ZNF608: variants seen among roughly 807,000 people sequenced by gnomAD.
ZNF608 encodes renal carcinoma antigen NY-REN-36.
In ZNF608, 12 loss-of-function variants were observed where a neutral mutation model predicts 109.0. The ratio of observed to expected loss-of-function variants is 0.11; its 90% confidence interval spans 0.07 to 0.18. The LOEUF is 0.18. Ranked by LOEUF, ZNF608 falls within the 10% of genes least tolerant of loss-of-function variation. The pLI, the probability that ZNF608 is intolerant of heterozygous loss-of-function variation, is 1.00. For synonymous variants in ZNF608, 732 were observed against 717.4 expected (o/e 1.02, Z -0.33); for missense variants, 1,707 against 1,879.3 (o/e 0.91, Z 1.70).
At chr5:124,728,793 T>C (rs1411685123) in intron 2 of ZNF608, among the ~76,000 whole-genome samples, 1 of 152,246 alleles carries the variant, frequency 6.6e-6, no homozygotes, top group Non-Finnish European at 1.5e-5. Context: ...GCTTGCGTTG[T>C]AGACTCTAGT....
At chr5:124,718,202 T>C (rs533326298) in intron 2 of ZNF608, among the ~76,000 whole-genome samples, 199 of 152,322 alleles carry the variant, frequency 1.3e-3, no homozygotes, top group African/African-American at 4.6e-3. Flanking sequence ...CCATCCCAAC[T>C]TGTACATCTT....
chr5:124,643,616 C>G lies in ZNF608; in HGVS notation c.4191G>C (p.Glu1397Asp), dbSNP rs771689654. 1.2e-5 allele frequency: 20 copies of G among 1,614,188 alleles called. No individual in the cohort carries two copies. In the South Asian group the frequency reaches 2.2e-4, roughly 18 times the overall value. Reference protein sequence around the residue: ...YGKMSGREETEKVNTSPSVNT... With the variant: ...YGKMSGREETDKVNTSPSVNT... ...TGACGCTAGGGCTGGTATTGACTTT[C>G]TCTGTCTCTTCTCTCCCTGACATCT... The change falls in exon 7 of 10, where the codon GAG (glutamate) becomes GAC (aspartate). Residue 1397 changes from glutamate to aspartate, a missense_variant. Physicochemically the swap from Glu to Asp is conservative, Grantham distance 45. Transcript: ENST00000513986.
upstream of ZNF608, among the ~76,000 whole-genome samples, chr5:124,747,970 G>C (rs1160646449): frequency 6.6e-6 from 1 of 152,084 alleles, no homozygotes; most frequent in African/African-American, 2.4e-5. Context: ...ACTATTTGTG[G>C]GTTTGTTTGG....
At chr5:124,663,500 A>T (rs138971134) in intron 3 of ZNF608, among the ~76,000 whole-genome samples, 389 of 152,346 alleles carry the variant, frequency 2.6e-3, no homozygotes, top group African/African-American at 9.1e-3. Context: ...GAGAAAGCAC[A>T]TGTTGACATT....
chr5:124,693,896 T>C (rs1348404952), intron 3 of ZNF608, among the ~76,000 whole-genome samples: 2 of 151,228 alleles, frequency 1.3e-5, no homozygotes, highest in Non-Finnish European at 2.9e-5. Context: ...CTGTCTATTG[T>C]ACGCCTATGT....
chr5:124,745,169 T>C lies in ZNF608; in HGVS notation c.-180A>G. Reference sequence around the variant, plus strand: ...TTACACCCTCAGTCCAGGTCCACCTTTTCCTGTGAAGGGGGGGGGAAAAGT... The same window carrying C: ...TTACACCCTCAGTCCAGGTCCACCTCTTCCTGTGAAGGGGGGGGGAAAAGT... On this transcript the variant is annotated 5_prime_UTR_variant, in exon 2 of 10. Coordinates refer to ENST00000513986, the MANE Select transcript of ZNF608 (RefSeq NM_020747.3). The C allele has an allele frequency of 1.4e-6, 2 of 1,405,580 alleles. No homozygotes were observed. The highest frequency in any genetic ancestry group is 3.4e-5 in the South Asian group (2 of 58,584). The allele number at this position is 1,405,580 out of a possible 1,614,324, so 87.1% of individuals were successfully genotyped here. A position where few individuals can be genotyped will look rare whatever the true frequency, so the allele number is the denominator to read the frequency against.
intron 7 of ZNF608, 35 bp from the exon 8 acceptor site, chr5:124,641,440 C>T (rs751639698): frequency 1.3e-6 from 2 of 1,580,220 alleles, no homozygotes; most frequent in South Asian, 2.3e-5. Context: ...CCCCTTCATG[C>T]TCTGAAAATC....
At chr5:124,722,582 CACACACA>C (rs1236796666) in intron 2 of ZNF608, among the ~76,000 whole-genome samples, 17 of 17,700 alleles carry the variant, frequency 9.6e-4, no homozygotes, top group Non-Finnish European at 1.7e-3. Flanking sequence ...AAAATACACA[CACACACA>C]CACACACACA....
At chr5:124,687,089 A>G (rs1255922997) in intron 3 of ZNF608, among the ~76,000 whole-genome samples, 1 of 152,214 alleles carries the variant, frequency 6.6e-6, no homozygotes, top group Non-Finnish European at 1.5e-5. Context: ...TATTTCCCTC[A>G]CAGCATATTT....
At chr5:124,694,172 T>A (rs1752746567) in intron 3 of ZNF608, among the ~76,000 whole-genome samples, 1 of 140,656 alleles carries the variant, frequency 7.1e-6, no homozygotes, top group African/African-American at 2.7e-5. Context: ...TTTTTTGTAT[T>A]TTTAGTAGAG....
At chr5:124,643,439 G>A in intron 7 of ZNF608, 72 bp downstream of exon 7, 1 of 1,458,440 alleles carries the variant, frequency 6.9e-7, no homozygotes, top group Non-Finnish European at 9.5e-7. Flanking sequence ...TATATTTCAA[G>A]ACTGTTCTCT....
rs1561600108 is a variant in ZNF608 at position 124,744,971 on chromosome 5, T to C, written c.19A>G (p.Thr7Ala). Residue 7 changes from threonine to alanine, a missense_variant, in exon 2 of 10, where the codon ACT becomes GCT. By Grantham distance (58) the Thr-to-Ala change is moderately conservative. Coordinates refer to ENST00000513986, the MANE Select transcript of ZNF608 (RefSeq NM_020747.3). This position sits in a 1 kb window ranked among gnomAD's most constrained non-coding sequence, Gnocchi z 4.5. MSVNIS[T>A]AGKGVDPNTV... ...TTTGGATCCACACCTTTTCCTGCAGTAGAAATGTTCACTGACATCCTGAAG... is the reference window on the plus strand; with the variant it reads ...TTTGGATCCACACCTTTTCCTGCAGCAGAAATGTTCACTGACATCCTGAAG... 1 of 1,610,560 alleles carries C rather than the reference T, an allele frequency of 6.2e-7. No homozygotes were observed. The highest frequency in any genetic ancestry group is 1.1e-5 in the South Asian group (1 of 90,442).
chr5:124,746,629 C>A lies in ZNF608; in HGVS notation c.-618G>T. 1 of 985,314 alleles carries A rather than the reference C, an allele frequency of 1.0e-6. No individual in the cohort carries two copies. The highest frequency in any genetic ancestry group is 4.7e-5 in the South Asian group (1 of 21,286). The allele number at this position is 985,314 out of a possible 1,614,324, so 61.0% of individuals were successfully genotyped here. On this transcript the variant is annotated 5_prime_UTR_variant, in exon 1 of 10. Coordinates refer to ENST00000513986, the MANE Select transcript of ZNF608 (RefSeq NM_020747.3). ...TCCCATGTAGCAAACCTACAGGCGT[C>A]CGCTAGTAACGAGACAGAATGTGCT...
In ZNF608 at chr5:124,744,559, C is replaced by A. The variant is rs761856959; in HGVS notation, c.431G>T (p.Gly144Val). ...GKRQEVQGRP[G>V]EATGMNSALG... ...CGCTGAATTCATGCCAGTTGCCTCT[C>A]CAGGGCGCCCTTGGACTTCCTGCCT... is the stretch of plus-strand genomic sequence containing the variant. Residue 144 changes from glycine to valine, a missense_variant, in exon 2 of 10, where the codon GGA becomes GTA. Transcript: ENST00000513986. The surrounding 1 kb of genome is among the most constrained non-coding windows in gnomAD (Gnocchi z 4.5). The A allele has an allele frequency of 1.2e-6, 2 of 1,614,242 alleles. No individual in the cohort carries two copies. The highest frequency in any genetic ancestry group is 1.7e-5 in the Admixed American group (1 of 60,028).
chr5:124,679,019 G>C (rs1230444811), intron 3 of ZNF608, among the ~76,000 whole-genome samples: 1 of 152,150 alleles, frequency 6.6e-6, no homozygotes, highest in Admixed American at 6.5e-5. Flanking sequence ...GCTACTGCCG[G>C]GGAAGCCAAG....
chr5:124,646,510 G>C (rs868109492), intron 5 of ZNF608, among the ~76,000 whole-genome samples, 169 bp downstream of exon 5: 2 of 152,112 alleles, frequency 1.3e-5, no homozygotes, highest in Non-Finnish European at 2.9e-5. Flanking sequence ...GTACATTTTA[G>C]AGCTACATAG....
intron 2 of ZNF608, chr5:124,710,365 C>G (rs1375530925): frequency 5.3e-6 from 2 of 374,212 alleles, no homozygotes; most frequent in Non-Finnish European, 1.0e-5. Context: ...AAATTTTACA[C>G]ATTTGAATTA....
chr5:124,714,017 C>T (rs1753599169), intron 2 of ZNF608, among the ~76,000 whole-genome samples: 2 of 152,170 alleles, frequency 1.3e-5, no homozygotes, highest in Admixed American at 1.3e-4. Flanking sequence ...TAACATAAAA[C>T]ATTAAATATT....
chr5:124,702,979 GA>G (rs568143800), intron 2 of ZNF608, among the ~76,000 whole-genome samples: 122 of 151,200 alleles, frequency 8.1e-4, no homozygotes, highest in Admixed American at 7.2e-4. Context: ...TTTAAGGGGG[GA>G]AAAAAAACAA....
Sources: allele counts gnomAD v4.1 joint callset (sites outside exome capture counted in the v4.1 genomes callset), GRCh38; gene constraint gnomAD v4.1.1; non-coding constraint Gnocchi (gnomAD v3.1); transcripts MANE v1.5; gene names NCBI Gene and HGNC (gene_info 2026-07-23, HGNC 2026-07-21).